The following ANKS1B variants were observed in gnomAD, a reference collection of about 807,000 sequenced individuals.
ANKS1B encodes ankyrin repeat and sterile alpha motif domain-containing protein 1B.
Under a neutral mutation model 148.3 loss-of-function variants are expected in ANKS1B, and 36 were observed. The ratio of observed to expected loss-of-function variants is 0.24; its 90% CI spans 0.19 to 0.32. ANKS1B has a LOEUF of 0.32. Ranked by LOEUF, ANKS1B falls within the 10% of genes least tolerant of loss-of-function variation. ANKS1B has a pLI of 1.00. For synonymous variants in ANKS1B, 542 were observed against 560.8 expected, an observed-to-expected ratio of 0.97 and a Z score of 0.47; for missense variants, 1,157 against 1,542.6, an observed-to-expected ratio of 0.75 and a Z score of 4.19.
rs2099382387 is a variant in ANKS1B at position 98,837,628 on chromosome 12, T to C, written c.2779-5492A>G. 2.0e-5 allele frequency among the ~76,000 whole-genome samples: 3 copies of C among 152,204 alleles called. No individual in the cohort carries two copies. In the South Asian group the frequency reaches 6.2e-4, roughly 32 times the overall value. Reference sequence around the variant, plus strand: ...TATAATATCACGTCACTGCTGTTTATGTTTCTGGGTTTGGCTGTGGGAATT... The same window carrying C: ...TATAATATCACGTCACTGCTGTTTACGTTTCTGGGTTTGGCTGTGGGAATT... On this transcript the variant is annotated intron_variant, in intron 17 of 26. Transcript: ENST00000683438.
chr12:99,894,434 G>A (rs1278336282), intron 1 of ANKS1B, among the ~76,000 whole-genome samples: 1 of 151,354 alleles, frequency 6.6e-6, no homozygotes, highest in Non-Finnish European at 1.5e-5. Flanking sequence ...GATTGAGTCT[G>A]GGAGGTCAAG....
chr12:99,456,036 C>T (rs919832637), intron 10 of ANKS1B, among the ~76,000 whole-genome samples: 2 of 152,140 alleles, frequency 1.3e-5, no homozygotes, highest in African/African-American at 4.8e-5. Flanking sequence ...CCTGATACCT[C>T]CACCAGAGCA....
At chr12:99,677,882 A>G (rs888440564) in intron 8 of ANKS1B, among the ~76,000 whole-genome samples, 46 of 152,168 alleles carry the variant, frequency 3.0e-4, no homozygotes, top group African/African-American at 1.1e-3. Flanking sequence ...CTGAGGCTGG[A>G]GAATCTCTTG....
intron 12 of ANKS1B, among the ~76,000 whole-genome samples, chr12:99,274,215 A>T (rs2077406523): frequency 6.6e-6 from 1 of 152,186 alleles, no homozygotes; most frequent in South Asian, 2.1e-4. Context: ...ACTCTGACCC[A>T]GAGCTATTTA....
At chr12:99,745,843 A>G (rs1468672967) in intron 8 of ANKS1B, among the ~76,000 whole-genome samples, 2 of 152,024 alleles carry the variant, frequency 1.3e-5, no homozygotes, top group Admixed American at 6.6e-5. Context: ...TTATGATACA[A>G]TATTTAACTA....
At chr12:99,316,427 A>T (rs1429096139) in intron 12 of ANKS1B, among the ~76,000 whole-genome samples, 1 of 152,174 alleles carries the variant, frequency 6.6e-6, no homozygotes, top group Non-Finnish European at 1.5e-5. Context: ...CCCAGTGATG[A>T]TAAGCATTTT....
intron 12 of ANKS1B, among the ~76,000 whole-genome samples, chr12:99,291,544 C>T (rs1328425207): frequency 1.3e-5 from 2 of 152,028 alleles, no homozygotes; most frequent in Non-Finnish European, 2.9e-5. Flanking sequence ...TAAAAACAGG[C>T]ACATAGACCA....
Position 99,246,459 on chromosome 12 carries a change from G to A in ANKS1B, c.2162C>T (p.Ser721Leu), listed in dbSNP as rs771865396. 1 of 1,613,850 alleles carries A rather than the reference G, an allele frequency of 6.2e-7. No homozygotes were observed. The highest frequency in any genetic ancestry group is 1.1e-5 in the South Asian group (1 of 91,060). The change falls in exon 13 of 27, where the codon TCA (serine) becomes TTA (leucine). Residue 721 changes from serine to leucine, a missense_variant. By Grantham distance (145) the Ser-to-Leu change is moderately radical. Transcript: ENST00000683438. Reference sequence around the variant, plus strand: ...CATGTCGATCAAGGCTTTAGGCAATGACCTTATTCTCCCCAGAGTACAGGC... The same window carrying A: ...CATGTCGATCAAGGCTTTAGGCAATAACCTTATTCTCCCCAGAGTACAGGC... Reference protein sequence around the residue: ...ERACTLGRIRSLPKALIDMHL... With the variant: ...ERACTLGRIRLLPKALIDMHL...
chr12:99,427,987 T>C (rs759798243), intron 11 of ANKS1B, among the ~76,000 whole-genome samples: 41 of 152,194 alleles, frequency 2.7e-4, no homozygotes, highest in Non-Finnish European at 4.9e-4. Flanking sequence ...TGCAAGAACA[T>C]TTATGGACTT....
intron 15 of ANKS1B, among the ~76,000 whole-genome samples, chr12:99,116,795 T>C (rs1466087383): frequency 6.6e-6 from 1 of 152,214 alleles, no homozygotes; most frequent in Non-Finnish European, 1.5e-5. Flanking sequence ...TTGAGCCATA[T>C]AGTCATTTTC....
intron 8 of ANKS1B, among the ~76,000 whole-genome samples, chr12:99,737,924 T>G (rs780386290): frequency 4.2e-4 from 64 of 152,154 alleles, no homozygotes; most frequent in Non-Finnish European, 7.2e-4. Context: ...AGCCTCCAAC[T>G]TCTATCCTAA....
At position 99,246,434 on chromosome 12, in the gene ANKS1B, C is replaced by T. The variant is rs2073889440; in HGVS notation, c.2187G>A (p.Met729Ile). Reference sequence around the variant, plus strand: ...ATTTAGAGACACTTTTTGACAAATGCATGTCGATCAAGGCTTTAGGCAATG... The same window carrying T: ...ATTTAGAGACACTTTTTGACAAATGTATGTCGATCAAGGCTTTAGGCAATG... ...IRSLPKALID[M>I]HLSKSVSKSD... The change falls in exon 13 of 27, where the codon ATG becomes ATA. Residue 729 changes from methionine (M) to isoleucine (I), a missense_variant. Physicochemically the swap from Met to Ile is conservative, Grantham distance 10. This residue lies in a region of ANKS1B where 661 missense variants were observed against 642.1 expected (regional missense o/e 1.03). Coordinates refer to ENST00000683438, the MANE Select transcript of ANKS1B (RefSeq NM_001352186.2). 3 of 1,613,702 alleles carry T rather than the reference C, an allele frequency of 1.9e-6. No homozygotes were observed. The highest frequency in any genetic ancestry group is 2.5e-6 in the Non-Finnish European group (3 of 1,179,848).
intron 12 of ANKS1B, among the ~76,000 whole-genome samples, chr12:99,284,997 T>C (rs2078943702): frequency 6.6e-6 from 1 of 152,230 alleles, no homozygotes; most frequent in East Asian, 1.9e-4. Context: ...ACACTTAAAG[T>C]GTATAACTTA....
intron 12 of ANKS1B, among the ~76,000 whole-genome samples, chr12:99,304,563 C>T (rs1208918226): frequency 6.6e-6 from 1 of 152,060 alleles, no homozygotes; most frequent in Non-Finnish European, 1.5e-5. Context: ...TTCCTGCTGA[C>T]AGCTTTACAA....
intron 8 of ANKS1B, among the ~76,000 whole-genome samples, chr12:99,673,670 T>G (rs1367582286): frequency 6.6e-6 from 1 of 151,908 alleles, no homozygotes; most frequent in African/African-American, 2.4e-5. Flanking sequence ...GATAATACAT[T>G]TATCCTATTT....
intron 9 of ANKS1B, among the ~76,000 whole-genome samples, chr12:99,532,385 G>A (rs997913779): frequency 2.0e-5 from 3 of 152,042 alleles, no homozygotes; most frequent in Admixed American, 6.6e-5. Context: ...TTTTTGAGAC[G>A]GAGTCTCGCT....
At chr12:99,189,186 T>C (rs1328760659) in intron 14 of ANKS1B, among the ~76,000 whole-genome samples, 1 of 152,082 alleles carries the variant, frequency 6.6e-6, no homozygotes, top group Non-Finnish European at 1.5e-5. Flanking sequence ...GTTCTGAAAT[T>C]GAGGCAGGAA....
At chr12:99,566,666 G>C (rs1377455087) in intron 9 of ANKS1B, among the ~76,000 whole-genome samples, 1 of 152,138 alleles carries the variant, frequency 6.6e-6, no homozygotes, top group Non-Finnish European at 1.5e-5. Context: ...GGAAGAGAGA[G>C]AGCTCTGAGC....
At chr12:99,676,198 G>T (rs1246887015) in intron 8 of ANKS1B, among the ~76,000 whole-genome samples, 1 of 151,990 alleles carries the variant, frequency 6.6e-6, no homozygotes, top group African/African-American at 2.4e-5. Flanking sequence ...GTTTCCTGAG[G>T]CTTCCCCAGC....
Sources: allele counts gnomAD v4.1 joint callset (sites outside exome capture counted in the v4.1 genomes callset), GRCh38; gene constraint gnomAD v4.1.1; regional missense constraint gnomAD v4.1.1; transcripts MANE v1.5; gene names NCBI Gene and HGNC (gene_info 2026-07-23, HGNC 2026-07-21).